FIP1L1: variants seen among roughly 807,000 people sequenced by gnomAD.
FIP1L1 encodes factor interacting with PAPOLA and CPSF1.
A neutral mutation model predicts 84.6 loss-of-function variants in FIP1L1; 21 were observed. The ratio of observed to expected loss-of-function variants is 0.25; its 90% confidence interval spans 0.18 to 0.36. FIP1L1 has a LOEUF of 0.36. Among genes scored for constraint, FIP1L1 ranks in the 10% least tolerant of loss-of-function variants. The pLI, the probability that FIP1L1 is intolerant of heterozygous loss-of-function variation, is 1.00. For missense variants in FIP1L1, 526 were observed against 751.1 expected (o/e 0.70, Z 3.50); for synonymous variants, 263 against 242.3 (o/e 1.09, Z -0.80).
chr4:53,421,627 T>G (rs1762467632), intron 11 of FIP1L1, among the ~76,000 whole-genome samples: 1 of 152,220 alleles, frequency 6.6e-6, no homozygotes, highest in Non-Finnish European at 1.5e-5. Flanking sequence ...TTCTAGGCTT[T>G]TTCTTAGCAA....
Position 53,453,213 on chromosome 4 carries a change from T to C in FIP1L1, c.1499+80T>C, listed in dbSNP as rs1370963404. The C allele has an allele frequency of 2.0e-6, 3 of 1,517,626 alleles. No homozygotes were observed. In the African/African-American group the frequency reaches 4.1e-5, roughly 21 times the overall value. The allele number at this position is 1,517,626 out of a possible 1,614,324, so 94.0% of individuals were successfully genotyped here. A position where few individuals can be genotyped will look rare whatever the true frequency, so the allele number is the denominator to read the frequency against. ...TATTTTCGTTATGAGGAAGTGAATT[T>C]CAGTTCACTTGGAAAAGAGATGCTC... On this transcript the variant is annotated intron_variant, in intron 16 of 17. Coordinates refer to ENST00000337488, the MANE Select transcript of FIP1L1 (RefSeq NM_030917.4).
chr4:53,400,807 T>A (rs1749823011), intron 10 of FIP1L1, among the ~76,000 whole-genome samples: 1 of 152,228 alleles, frequency 6.6e-6, no homozygotes, highest in Admixed American at 6.5e-5. Context: ...AAGCTAAATA[T>A]AATCTCAAAA....
chr4:53,429,353 A>G (rs898107996), intron 13 of FIP1L1, among the ~76,000 whole-genome samples: 1 of 152,182 alleles, frequency 6.6e-6, no homozygotes, highest in African/African-American at 2.4e-5. Flanking sequence ...GTTCCAACAA[A>G]TAGATTGAGC....
chr4:53,403,202 A>G (rs561937223), intron 10 of FIP1L1, among the ~76,000 whole-genome samples: 57 of 152,186 alleles, frequency 3.7e-4, no homozygotes, highest in Non-Finnish European at 7.5e-4. Context: ...CAGTATTTTT[A>G]TATGCTGATG....
chr4:53,403,369 A>G (rs931574520), intron 10 of FIP1L1, among the ~76,000 whole-genome samples: 1 of 152,188 alleles, frequency 6.6e-6, no homozygotes, highest in Non-Finnish European at 1.5e-5. Context: ...TTATTATATT[A>G]GATTGTTTTT....
chr4:53,414,138 T>A (rs1470809390), intron 10 of FIP1L1, among the ~76,000 whole-genome samples: 1 of 152,178 alleles, frequency 6.6e-6, no homozygotes, highest in Admixed American at 6.5e-5. Flanking sequence ...AGGGATTTTT[T>A]ATAAAATAGT....
At chr4:53,416,010 G>A (rs1458779505) in intron 11 of FIP1L1, among the ~76,000 whole-genome samples, 2 of 151,858 alleles carry the variant, frequency 1.3e-5, no homozygotes, top group African/African-American at 2.4e-5. Context: ...CTTTGTTTTC[G>A]AACACTAAAA....
chr4:53,453,259 A>G (rs1259800769), intron 16 of FIP1L1, 126 bp downstream of exon 16: 1 of 1,051,486 alleles, frequency 9.5e-7, no homozygotes, highest in African/African-American at 1.6e-5. Flanking sequence ...TAGGAAAGCC[A>G]TCTTAAAATG....
At chr4:53,436,413 C>T (rs1470567702) in intron 13 of FIP1L1, among the ~76,000 whole-genome samples, 1 of 152,180 alleles carries the variant, frequency 6.6e-6, no homozygotes, top group East Asian at 1.9e-4. Flanking sequence ...CAGTTCCTCA[C>T]TGGTGTAGGC....
chr4:53,380,802 T>C (rs1737448694), intron 3 of FIP1L1, among the ~76,000 whole-genome samples: 1 of 152,226 alleles, frequency 6.6e-6, no homozygotes, highest in Non-Finnish European at 1.5e-5. Flanking sequence ...TGAAAGTGAT[T>C]GAATATTTCT....
intron 10 of FIP1L1, among the ~76,000 whole-genome samples, chr4:53,405,274 C>T (rs1560515109): frequency 6.6e-6 from 1 of 151,946 alleles, no homozygotes; most frequent in Non-Finnish European, 1.5e-5. Flanking sequence ...GAATCCTTTC[C>T]CCATTGCTTG....
At chr4:53,422,965 C>A (rs1258825459) in intron 11 of FIP1L1, among the ~76,000 whole-genome samples, 1 of 152,152 alleles carries the variant, frequency 6.6e-6, no homozygotes, top group Non-Finnish European at 1.5e-5. Context: ...ATCCTCCCGC[C>A]TCAGGCTCCC....
At chr4:53,385,227 AATTGCATGTTC>A (rs1175882100) in intron 5 of FIP1L1, among the ~76,000 whole-genome samples, 2 of 152,164 alleles carry the variant, frequency 1.3e-5, no homozygotes, top group Non-Finnish European at 2.9e-5. Context: ...AAATTGTAAT[AATTGCATGTTC>A]ATTAAATGTT....
chr4:53,451,885 CTTTTT>C (rs139817657), intron 15 of FIP1L1, among the ~76,000 whole-genome samples: 1 of 140,930 alleles, frequency 7.1e-6, no homozygotes, highest in African/African-American at 2.7e-5. Context: ...ATAGACATTC[CTTTTT>C]TTTTTTTTTT....
At chr4:53,399,620 C>G in intron 9 of FIP1L1, 110 bp from the exon 10 acceptor site, 1 of 697,778 alleles carries the variant, frequency 1.4e-6, no homozygotes, top group Non-Finnish European at 2.4e-6. Flanking sequence ...AAGGAACATT[C>G]TTAGTGTTTA....
intron 11 of FIP1L1, among the ~76,000 whole-genome samples, chr4:53,420,192 C>T (rs1192020496): frequency 7.4e-5 from 4 of 53,732 alleles, no homozygotes; most frequent in Admixed American, 2.6e-4. Context: ...AGGAAGACTC[C>T]GTCTCAAAAA....
intron 13 of FIP1L1, among the ~76,000 whole-genome samples, chr4:53,429,138 A>G (rs1165956546): frequency 1.3e-5 from 2 of 152,296 alleles, no homozygotes; most frequent in East Asian, 1.9e-4. Context: ...AATGTCAGCC[A>G]CTGCTTCTGT....
chr4:53,388,435 C>T (rs1348635827), intron 5 of FIP1L1, among the ~76,000 whole-genome samples: 1 of 151,900 alleles, frequency 6.6e-6, no homozygotes, highest in Non-Finnish European at 1.5e-5. Flanking sequence ...CCTGGGTTCA[C>T]GCCATTCTCA....
At chr4:53,426,037 A>G (rs1764203257) in intron 12 of FIP1L1, 72 bp downstream of exon 12, 4 of 990,052 alleles carry the variant, frequency 4.0e-6, no homozygotes, top group South Asian at 1.5e-5. Context: ...AATTTATTCA[A>G]TAGATAGTCA....
Sources: gnomAD v4.1 joint callset for allele counts (sites outside exome capture counted in the v4.1 genomes callset) on GRCh38, gnomAD v4.1.1 for gene constraint, MANE v1.5 for transcripts, NCBI Gene and HGNC (gene_info 2026-07-23, HGNC 2026-07-21) for gene names.